METTL8: variants seen among roughly 807,000 people sequenced by gnomAD.
The protein encoded by METTL8 is methyltransferase 8, tRNA N3-cytidine.
A neutral mutation model predicts 48.7 loss-of-function variants in METTL8; 32 were observed. That is an observed-to-expected ratio of 0.66 (90% CI 0.50 to 0.88). The LOEUF (loss-of-function observed/expected upper bound fraction) is 0.88. METTL8 is among the 40% of genes least tolerant of loss of function. METTL8 has a pLI of 0.00. For synonymous variants in METTL8, 136 were observed against 157.1 expected (o/e 0.87, Z 1.01); for missense variants, 464 against 474.4 (o/e 0.98, Z 0.20).
chr2:171,334,480 T>C (rs1476433980), intron 5 of METTL8, among the ~76,000 whole-genome samples: 6 of 152,216 alleles, frequency 3.9e-5, no homozygotes, highest in South Asian at 2.1e-4. Context: ...ATGAATTAAA[T>C]GATCCTTGGA....
At chr2:171,410,512 C>T (rs999299950) in intron 1 of METTL8, among the ~76,000 whole-genome samples, 1 of 152,208 alleles carries the variant, frequency 6.6e-6, no homozygotes, top group African/African-American at 2.4e-5. Flanking sequence ...CTAGAAGGTA[C>T]TAATGTTGTT....
chr2:171,400,048 T>TA (rs905867879), intron 1 of METTL8, among the ~76,000 whole-genome samples: 101 of 152,010 alleles, frequency 6.6e-4, no homozygotes, highest in Admixed American at 3.9e-3. Flanking sequence ...CATTTTTTTT[T>TA]AAAAAAGTTA....
At position 171,316,758 on chromosome 2, in the gene METTL8, T is replaced by C. The variant is rs894329355; in HGVS notation, c.*7414A>G. ...GCTGCGAAAGAAAAAGTATGAGCAATGAGAAAAGCAATTATCCTTGGAGGC... is the reference window on the plus strand; with the variant it reads ...GCTGCGAAAGAAAAAGTATGAGCAACGAGAAAAGCAATTATCCTTGGAGGC... On this transcript the variant is annotated 3_prime_UTR_variant, in exon 10 of 10. Coordinates refer to ENST00000375258, the MANE Select transcript of METTL8 (RefSeq NM_001321154.2). 6.6e-6 allele frequency among the ~76,000 whole-genome samples: 1 copy of C among 152,166 alleles called. No homozygotes were observed. The highest frequency in any genetic ancestry group is 2.4e-5 in the African/African-American group (1 of 41,434).
chr2:171,378,790 C>A (rs1430342014), intron 2 of METTL8, among the ~76,000 whole-genome samples: 1 of 152,154 alleles, frequency 6.6e-6, no homozygotes, highest in Non-Finnish European at 1.5e-5. Context: ...GAGACTTAAA[C>A]TGCCACACAA....
In METTL8 at chr2:171,339,168, C is replaced by T; in HGVS notation, c.606+16G>A. ...ATTATTTGTCACCTCCCATTTTTGT[C>T]CCTTGAGCACAATACCTCTAGTATC... On this transcript the variant is annotated intron_variant, in intron 4 of 9. Coordinates refer to ENST00000375258, the MANE Select transcript of METTL8 (RefSeq NM_001321154.2). 1 of 1,435,338 alleles carries T rather than the reference C, an allele frequency of 7.0e-7. No homozygotes were observed. The highest frequency in any genetic ancestry group is 9.2e-7 in the Non-Finnish European group (1 of 1,086,196). 88.9% of individuals were successfully genotyped at this position (1,435,338 alleles called of 1,614,324 possible).
chr2:171,343,754 T>C (rs1687008207), intron 3 of METTL8, among the ~76,000 whole-genome samples: 1 of 152,234 alleles, frequency 6.6e-6, no homozygotes, highest in Non-Finnish European at 1.5e-5. Context: ...AAAGTCTGTT[T>C]AAGCTCTAAA....
chr2:171,404,221 T>A (rs1689954920), intron 1 of METTL8, among the ~76,000 whole-genome samples: 1 of 151,478 alleles, frequency 6.6e-6, no homozygotes, highest in South Asian at 2.1e-4. Flanking sequence ...AAATATCTTA[T>A]TATACTGTAT....
chr2:171,392,177 C>T lies in METTL8; in HGVS notation c.9G>A (p.Met3Ile). 1 of 1,551,356 alleles carries T rather than the reference C, an allele frequency of 6.4e-7. No individual in the cohort carries two copies. Among genetic ancestry groups the T allele is most frequent in the Non-Finnish European group, 8.7e-7 (1 of 1,146,804 alleles). Residue 3 changes from methionine to isoleucine, a missense_variant, in exon 2 of 10, where the codon ATG (methionine) becomes ATA (isoleucine). Met to Ile is a conservative substitution (Grantham distance 10, BLOSUM62 1). Transcript: ENST00000375258. ...GACAAGAAATGGAATTTCTCCAAAT[C>T]ATATTCATCCTAAGCAGTACCTAAA... is the stretch of plus-strand genomic sequence containing the variant. Reference protein sequence around the residue: MNMIWRNSISCLR... With the variant: MNIIWRNSISCLR...
chr2:171,423,633 T>G (rs867035538), intron 1 of METTL8, among the ~76,000 whole-genome samples: 8 of 152,298 alleles, frequency 5.3e-5, no homozygotes, highest in Middle Eastern at 3.4e-3. Context: ...TGGAGGCATT[T>G]TGTCCCTGCC....
At position 171,324,462 on chromosome 2, in the gene METTL8, T is replaced by C. The variant is rs1684724520; in HGVS notation, c.1034-100A>G. The stretch of plus-strand genomic sequence containing the variant: ...GGAATAACTGACCATCTAAATTTCA[T>C]TTATACAAGAAACACTCTCTAGAAC... On this transcript the variant is annotated intron_variant, in intron 9 of 9. Transcript: ENST00000375258. The C allele has an allele frequency of 4.7e-6, 5 of 1,062,628 alleles. No individual in the cohort carries two copies. In the East Asian group the frequency reaches 1.3e-4, roughly 28 times the overall value. The allele number at this position is 1,062,628 out of a possible 1,614,324, so 65.8% of individuals were successfully genotyped here.
chr2:171,330,507 C>T, intron 7 of METTL8, 52 bp downstream of exon 7: 1 of 1,552,402 alleles, frequency 6.4e-7, no homozygotes. Context: ...CTGAAAACCA[C>T]TACTGATAAA....
At chr2:171,415,416 G>A (rs1691215559) in intron 1 of METTL8, among the ~76,000 whole-genome samples, 2 of 145,182 alleles carry the variant, frequency 1.4e-5, no homozygotes, top group African/African-American at 5.2e-5. Flanking sequence ...GCAGTGGCGC[G>A]ATCTTGGCTC....
chr2:171,338,380 G>A (rs1381190422), intron 4 of METTL8, among the ~76,000 whole-genome samples: 1 of 152,118 alleles, frequency 6.6e-6, no homozygotes, highest in Non-Finnish European at 1.5e-5. Flanking sequence ...GCTCATGCCT[G>A]TAATCCCAGC....
intron 1 of METTL8, among the ~76,000 whole-genome samples, chr2:171,431,138 C>T (rs998998861): frequency 6.6e-5 from 10 of 152,196 alleles, no homozygotes; most frequent in East Asian, 1.9e-4. Flanking sequence ...GAAGAACCTA[C>T]GACGTGCCCC....
chr2:171,420,318 T>C (rs1691745294), intron 1 of METTL8, among the ~76,000 whole-genome samples: 1 of 152,244 alleles, frequency 6.6e-6, no homozygotes, highest in Non-Finnish European at 1.5e-5. Context: ...CCCGCTAGAC[T>C]ATTCTTTTGT....
chr2:171,434,375 C>G (rs1174479805), upstream of METTL8: 1 of 879,154 alleles, frequency 1.1e-6, no homozygotes, highest in Non-Finnish European at 1.8e-6. Context: ...CCCTTCTCTC[C>G]GCGCTCTGGC....
intron 2 of METTL8, among the ~76,000 whole-genome samples, chr2:171,376,977 G>A (rs530949116): frequency 6.6e-6 from 1 of 152,252 alleles, no homozygotes; most frequent in South Asian, 2.1e-4. Context: ...AAAACAGCAT[G>A]GTACTGGTAT....
chr2:171,336,457 A>G (rs1234660093), intron 5 of METTL8, among the ~76,000 whole-genome samples: 1 of 131,012 alleles, frequency 7.6e-6, no homozygotes, highest in Non-Finnish European at 1.5e-5. Context: ...GCTGGAATGC[A>G]GTAGCGAGAT....
intron 2 of METTL8, among the ~76,000 whole-genome samples, chr2:171,384,683 T>C (rs547127501): frequency 1.9e-4 from 29 of 150,892 alleles, no homozygotes; most frequent in African/African-American, 6.6e-4. Flanking sequence ...AATAAAAAAT[T>C]AGCCAGGTGT....
Sources: allele counts gnomAD v4.1 joint callset (sites outside exome capture counted in the v4.1 genomes callset), GRCh38; gene constraint gnomAD v4.1.1; transcripts MANE v1.5; gene names NCBI Gene and HGNC (gene_info 2026-07-23, HGNC 2026-07-21).